Variants in SLC1A2 observed in about 807,000 individuals in gnomAD.
SLC1A2 encodes solute carrier family 1 member 2, also known as excitatory amino acid transporter 2.
A neutral mutation model predicts 48.8 loss-of-function variants in SLC1A2; 15 were observed. The ratio of observed to expected loss-of-function variants is 0.31; its 90% CI spans 0.21 to 0.47. The LOEUF (loss-of-function observed/expected upper bound fraction) is 0.47. SLC1A2 is among the 20% of genes least tolerant of loss of function. The pLI is 0.99. For synonymous variants in SLC1A2, 279 were observed against 272.6 expected (o/e 1.02, Z -0.23); for missense variants, 502 against 730.5 (o/e 0.69, Z 3.61).
chr11:35,260,546 GCTTTA>G lies in SLC1A2; in HGVS notation c.*343_*347del, dbSNP rs1242057643. Reference sequence around the variant, plus strand: ...CCAAGTCCCTGGAGTGTACCACACTGCTTTACTCATGTCCCCTGGGAAAAGAGCAT... The same window carrying G: ...CCAAGTCCCTGGAGTGTACCACACTGCTCATGTCCCCTGGGAAAAGAGCAT... On this transcript the variant is annotated 3_prime_UTR_variant, in exon 11 of 11. Transcript: ENST00000278379. 10 of 298,032 alleles carry G rather than the reference GCTTTA, an allele frequency of 3.4e-5. No individual in the cohort carries two copies. The highest frequency in any genetic ancestry group is 5.1e-5 in the Non-Finnish European group (8 of 156,192). The allele number at this position is 298,032 out of a possible 1,614,324, so 18.5% of individuals were successfully genotyped here.
intron 10 of SLC1A2, among the ~76,000 whole-genome samples, chr11:35,263,232 G>A (rs61882801): frequency 0.064 from 9,708 of 152,236 alleles, 398 homozygotes; most frequent in Middle Eastern, 0.092. Context: ...TTGGGAGGCC[G>A]AGGCAGGTGG....
At chr11:35,321,261 C>T (rs1852057116) in intron 1 of SLC1A2, among the ~76,000 whole-genome samples, 1 of 151,974 alleles carries the variant, frequency 6.6e-6, no homozygotes, top group Non-Finnish European at 1.5e-5. Context: ...ATGGGAGCTC[C>T]AATTCAAGAT....
At chr11:35,412,681 G>C (rs1855496180) in intron 1 of SLC1A2, among the ~76,000 whole-genome samples, 2 of 152,318 alleles carry the variant, frequency 1.3e-5, no homozygotes, top group African/African-American at 4.8e-5. Flanking sequence ...TTTCAGTAAA[G>C]AGCGTAAGTT....
chr11:35,262,293 G>C (rs886366259), intron 10 of SLC1A2, among the ~76,000 whole-genome samples: 3 of 152,234 alleles, frequency 2.0e-5, no homozygotes, highest in African/African-American at 7.2e-5. Context: ...TGGTGCCTTT[G>C]AAAGACCAGA....
intron 5 of SLC1A2, among the ~76,000 whole-genome samples, chr11:35,303,130 T>C (rs747290900): frequency 2.0e-5 from 3 of 151,984 alleles, no homozygotes; most frequent in Non-Finnish European, 4.4e-5. Flanking sequence ...TCTTAACCCA[T>C]ACTCAGTAAA....
chr11:35,333,321 G>A (rs1015736368), intron 1 of SLC1A2, among the ~76,000 whole-genome samples: 6 of 151,946 alleles, frequency 3.9e-5, no homozygotes, highest in South Asian at 4.2e-4. Context: ...GGAGGCTGAC[G>A]CAGGAGAATC....
chr11:35,335,389 A>G (rs114234539), intron 1 of SLC1A2, among the ~76,000 whole-genome samples: 3,891 of 152,244 alleles, frequency 0.026, 154 homozygotes, highest in African/African-American at 0.089. Context: ...AGCAACCGCA[A>G]TTGCACAACC....
rs566252504 is a variant in SLC1A2 at position 35,309,671 on chromosome 11, G to T, written c.561+2527C>A. Among the ~76,000 whole-genome samples, 10 of 152,238 alleles carry T rather than the reference G, an allele frequency of 6.6e-5. No individual in the cohort carries two copies. In the South Asian group the frequency reaches 2.1e-3, roughly 32 times the overall value. ...AAGGAGCCTCCTCCACTCAAGACAG[G>T]TTATTTTAAATGACTTCTAGCTGTA... On this transcript the variant is annotated intron_variant, in intron 4 of 10. Transcript: ENST00000278379.
rs529182968 is a variant in SLC1A2, at chr11:35,265,178, C to T, written c.1653+349G>A. 2.1e-5 allele frequency: 7 copies of T among 330,808 alleles called. No individual in the cohort carries two copies. In the South Asian group the frequency reaches 3.7e-4, roughly 18 times the overall value. The allele number at this position is 330,808 out of a possible 1,614,324, so 20.5% of individuals were successfully genotyped here. A position where few individuals can be genotyped will look rare whatever the true frequency, so the allele number is the denominator to read the frequency against. On this transcript the variant is annotated intron_variant, in intron 10 of 10. Transcript: ENST00000278379. ...CAGGATGGTCTTGATCTCCTGACCT[C>T]GTGATCTGCCCGCCTCGGCCTAGTA...
chr11:35,371,150 A>C, intron 1 of SLC1A2: 2 of 829,860 alleles, frequency 2.4e-6, no homozygotes, highest in Non-Finnish European at 1.5e-6. Context: ...TTCATCCTAA[A>C]GCAACCTACT....
At chr11:35,391,453 G>A (rs560736420) in intron 1 of SLC1A2, 1 of 152,258 alleles carries the variant, frequency 6.6e-6, no homozygotes, top group Non-Finnish European at 1.5e-5. Context: ...GCTGGGATTT[G>A]AACCATTGCC....
chr11:35,408,241 C>T (rs1257042418), intron 1 of SLC1A2, among the ~76,000 whole-genome samples: 1 of 152,176 alleles, frequency 6.6e-6, no homozygotes, highest in Non-Finnish European at 1.5e-5. Context: ...GTCATAATCT[C>T]CCACCTAAAC....
At chr11:35,403,380 A>T (rs1445333327) in intron 1 of SLC1A2, among the ~76,000 whole-genome samples, 2 of 152,198 alleles carry the variant, frequency 1.3e-5, no homozygotes, top group Non-Finnish European at 2.9e-5. Flanking sequence ...GTATCTCCTT[A>T]TGAGAATATT....
rs187780362 is a variant in SLC1A2, at chr11:35,342,246, T to C, written c.18-24730A>G. ...GAAATGGTGAATCAGCCATCTAAGA[T>C]GTTTGGAAGAAGACAGCATTTGTTT... On this transcript the variant is annotated intron_variant, in intron 1 of 10. Transcript: ENST00000278379. Among the ~76,000 whole-genome samples, 3 of 152,336 alleles carry C rather than the reference T, an allele frequency of 2.0e-5. No homozygotes were observed. In the East Asian group the frequency reaches 5.8e-4, roughly 29 times the overall value.
chr11:35,252,131 C>T lies in SLC1A2; in HGVS notation c.*8763G>A, dbSNP rs1950247291. ...AGTGCTCTAAGTTTTTTACAGAGAA[C>T]TCTGAAGTTTATAGCCAGAACTGTG... On this transcript the variant is annotated 3_prime_UTR_variant, in exon 11 of 11. Coordinates refer to ENST00000278379, the MANE Select transcript of SLC1A2 (RefSeq NM_004171.4). 1 of 152,636 alleles carries T rather than the reference C, an allele frequency of 6.6e-6. No homozygotes were observed. Among genetic ancestry groups the T allele is most frequent in the South Asian group, 2.1e-4 (1 of 4,830 alleles). 9.5% of individuals were successfully genotyped at this position (152,636 alleles called of 1,614,324 possible). A position where few individuals can be genotyped will look rare whatever the true frequency, so the allele number is the denominator to read the frequency against.
At chr11:35,388,679 G>A (rs1246114499) in intron 1 of SLC1A2, among the ~76,000 whole-genome samples, 1 of 152,202 alleles carries the variant, frequency 6.6e-6, no homozygotes, top group African/African-American at 2.4e-5. Context: ...ACAGGCATGA[G>A]CCACCATGCC....
At chr11:35,304,457 G>A (rs747275987) in intron 5 of SLC1A2, among the ~76,000 whole-genome samples, 14 of 152,154 alleles carry the variant, frequency 9.2e-5, no homozygotes, top group East Asian at 5.8e-4. Flanking sequence ...AGAGCTGCTC[G>A]GTGGTGGGTG....
intron 7 of SLC1A2, among the ~76,000 whole-genome samples, chr11:35,290,496 G>A (rs917282801): frequency 6.6e-6 from 1 of 151,976 alleles, no homozygotes; most frequent in Non-Finnish European, 1.5e-5. Flanking sequence ...TATAACTAAA[G>A]ACTAATTAAA....
In SLC1A2 at chr11:35,260,858, G is replaced by A; in HGVS notation, c.*36C>T. ...TCATCAGTTACCATAGGATACGCTG[G>A]GGAGTTTATTCAAGAATTTGCTGAG... On this transcript the variant is annotated 3_prime_UTR_variant, in exon 11 of 11. Coordinates refer to ENST00000278379, the MANE Select transcript of SLC1A2 (RefSeq NM_004171.4). 1.4e-6 allele frequency: 2 copies of A among 1,389,498 alleles called. No homozygotes were observed. Among genetic ancestry groups the A allele is most frequent in the Non-Finnish European group, 2.1e-6 (2 of 975,032 alleles). The allele number at this position is 1,389,498 out of a possible 1,614,324, so 86.1% of individuals were successfully genotyped here. A position where few individuals can be genotyped will look rare whatever the true frequency, so the allele number is the denominator to read the frequency against.
Sources: allele counts gnomAD v4.1 joint callset (sites outside exome capture counted in the v4.1 genomes callset), GRCh38; gene constraint gnomAD v4.1.1; transcripts MANE v1.5; gene names NCBI Gene and HGNC (gene_info 2026-07-23, HGNC 2026-07-21).